Variants in ROR1 observed in about 807,000 individuals in gnomAD.
ROR1 encodes the protein inactive tyrosine-protein kinase transmembrane receptor ROR1.
Under a neutral mutation model 78.8 loss-of-function variants are expected in ROR1, and 19 were observed. That is an observed-to-expected ratio of 0.24 (90% confidence interval 0.17 to 0.35). The LOEUF (loss-of-function observed/expected upper bound fraction) is 0.35. Ranked by LOEUF, ROR1 falls within the 10% of genes least tolerant of loss-of-function variation. The pLI, the probability that ROR1 is intolerant of heterozygous loss-of-function variation, is 1.00. For synonymous variants in ROR1, 386 were observed against 433.6 expected (o/e 0.89, Z 1.36); for missense variants, 917 against 1,177.8 (o/e 0.78, Z 3.24).
At chr1:64,066,789 T>C (rs1424182530) in intron 4 of ROR1, 2 of 152,174 alleles carry the variant, frequency 1.3e-5, no homozygotes, top group Non-Finnish European at 2.9e-5. Flanking sequence ...TTAATTTTAA[T>C]ATATATTTTA....
intron 8 of ROR1, among the ~76,000 whole-genome samples, chr1:64,163,310 C>T (rs1649998373): frequency 6.6e-6 from 1 of 151,484 alleles, no homozygotes; most frequent in South Asian, 2.1e-4. Context: ...CAGAGCTACT[C>T]GGGAGGCTGA....
intron 1 of ROR1, among the ~76,000 whole-genome samples, chr1:64,005,586 T>C (rs1422081742): frequency 6.6e-6 from 1 of 152,150 alleles, no homozygotes; most frequent in Admixed American, 6.5e-5. Context: ...GGTCAAAACT[T>C]GTGGCCGTGT....
intron 1 of ROR1, among the ~76,000 whole-genome samples, chr1:63,946,313 C>T (rs1356143195): frequency 6.6e-6 from 1 of 152,196 alleles, no homozygotes; most frequent in African/African-American, 2.4e-5. Context: ...AAGAGAACAT[C>T]TTCCAGATAT....
At chr1:63,844,818 T>C (rs1569807144) in intron 1 of ROR1, among the ~76,000 whole-genome samples, 1 of 152,312 alleles carries the variant, frequency 6.6e-6, no homozygotes, top group Non-Finnish European at 1.5e-5. Flanking sequence ...AAGAATATAT[T>C]GCAAATGGAA....
chr1:63,995,442 C>G (rs531716292), intron 1 of ROR1, among the ~76,000 whole-genome samples: 4 of 152,278 alleles, frequency 2.6e-5, no homozygotes, highest in Admixed American at 2.6e-4. Flanking sequence ...TAAGATGACT[C>G]TAATAGGCAG....
chr1:64,013,683 A>G (rs925150598), intron 2 of ROR1, among the ~76,000 whole-genome samples: 5 of 152,198 alleles, frequency 3.3e-5, no homozygotes, highest in Admixed American at 2.0e-4. Context: ...GATGATTAAC[A>G]AATCCTTCCA....
chr1:64,075,555 G>GTCAC (rs1363512745), intron 4 of ROR1, among the ~76,000 whole-genome samples: 1 of 152,172 alleles, frequency 6.6e-6, no homozygotes, highest in East Asian at 1.9e-4. Flanking sequence ...AATGCCTCCA[G>GTCAC]TCACTGTCCT....
At chr1:63,918,137 A>G (rs754373720) in intron 1 of ROR1, among the ~76,000 whole-genome samples, 83 of 152,298 alleles carry the variant, frequency 5.4e-4, no homozygotes, top group Non-Finnish European at 1.1e-3. Context: ...ACCAAGCTAG[A>G]CCCAGATTGC....
chr1:63,823,214 G>C (rs1350893639), intron 1 of ROR1, among the ~76,000 whole-genome samples: 1 of 151,700 alleles, frequency 6.6e-6, no homozygotes, highest in Non-Finnish European at 1.5e-5. Flanking sequence ...TTCTTTCCTT[G>C]GTCCCTCCCA....
chr1:63,913,228 T>A (rs1645584874), intron 1 of ROR1, among the ~76,000 whole-genome samples: 1 of 152,224 alleles, frequency 6.6e-6, no homozygotes, highest in Non-Finnish European at 1.5e-5. Context: ...GATATATTAA[T>A]GTAGAATAGA....
At chr1:64,067,585 A>G (rs181252292) in intron 4 of ROR1, among the ~76,000 whole-genome samples, 13 of 151,748 alleles carry the variant, frequency 8.6e-5, no homozygotes, top group African/African-American at 3.1e-4. Context: ...ATACCAAAAC[A>G]TTATTTTTCT....
chr1:64,128,875 G>C (rs545548912), intron 4 of ROR1, among the ~76,000 whole-genome samples: 6 of 152,240 alleles, frequency 3.9e-5, no homozygotes, highest in Admixed American at 3.9e-4. Flanking sequence ...TAAGGATATT[G>C]TAAAGATGCC....
intron 1 of ROR1, among the ~76,000 whole-genome samples, chr1:63,909,484 G>C (rs1369085682): frequency 2.0e-5 from 3 of 152,136 alleles, no homozygotes; most frequent in Non-Finnish European, 4.4e-5. Context: ...ATGTCCTCAA[G>C]AAGAAGCCAC....
chr1:64,051,467 TAAAATAAAATAAAATA>T (rs1646830548), intron 4 of ROR1, among the ~76,000 whole-genome samples: 1 of 24,658 alleles, frequency 4.1e-5, no homozygotes, highest in African/African-American at 6.3e-5. Context: ...AAAAATAAAA[TAAAATAAAATAAAATA>T]AAATAAAATA....
intron 3 of ROR1, among the ~76,000 whole-genome samples, chr1:64,050,458 T>C (rs756682489): frequency 1.5e-4 from 23 of 152,168 alleles, no homozygotes; most frequent in Non-Finnish European, 2.8e-4. Flanking sequence ...GCACTTGTCT[T>C]AGCATTTTCA....
intron 1 of ROR1, among the ~76,000 whole-genome samples, chr1:63,910,499 A>G (rs976800439): frequency 6.6e-6 from 1 of 152,092 alleles, no homozygotes; most frequent in Non-Finnish European, 1.5e-5. Flanking sequence ...CAGTGGACCT[A>G]TGGACTGTGA....
intron 7 of ROR1, among the ~76,000 whole-genome samples, chr1:64,149,838 G>A (rs566483701): frequency 6.6e-6 from 1 of 152,146 alleles, no homozygotes; most frequent in Non-Finnish European, 1.5e-5. Flanking sequence ...TTTCACTGTA[G>A]CCCTTTATCA....
chr1:64,137,271 G>C, intron 4 of ROR1, 98 bp from the exon 5 acceptor site: 1 of 1,286,456 alleles, frequency 7.8e-7, no homozygotes, highest in South Asian at 1.4e-5. Flanking sequence ...GCCCAACTGT[G>C]CCCCCTAGTG....
intron 1 of ROR1, among the ~76,000 whole-genome samples, chr1:63,794,129 C>T (rs1449178841): frequency 6.6e-6 from 1 of 152,194 alleles, no homozygotes; most frequent in Non-Finnish European, 1.5e-5. Context: ...TCTGACAAAG[C>T]TAATGTGACC....
Sources: gnomAD v4.1 joint callset for allele counts (sites outside exome capture counted in the v4.1 genomes callset) on GRCh38, gnomAD v4.1.1 for gene constraint, MANE v1.5 for transcripts, NCBI Gene and HGNC (gene_info 2026-07-23, HGNC 2026-07-21) for gene names.